VPS13B: variants seen among roughly 807,000 people sequenced by gnomAD.
The protein encoded by VPS13B is vacuolar protein sorting 13 homolog B.
Under a neutral mutation model 426.4 loss-of-function variants are expected in VPS13B, and 285 were observed. That is an observed-to-expected ratio of 0.67 (90% CI 0.61 to 0.74). The LOEUF (loss-of-function observed/expected upper bound fraction) is 0.74, where lower values mean the gene tolerates loss of function less well. Ranked by LOEUF, VPS13B falls within the 30% of genes least tolerant of loss-of-function variation. VPS13B has a pLI of 0.00. For missense variants in VPS13B, 4,537 were observed against 4,782.6 expected (o/e 0.95, Z 1.51); for synonymous variants, 1,676 against 1,676.4 (o/e 1.00, Z 0.01).
At chr8:99,709,984 G>A (rs1401025554) in intron 36 of VPS13B, among the ~76,000 whole-genome samples, 1 of 152,168 alleles carries the variant, frequency 6.6e-6, no homozygotes, top group African/African-American at 2.4e-5. Flanking sequence ...TTTAAAAAAT[G>A]ACCTGATCAG....
In VPS13B at chr8:99,640,043, G is replaced by GAAGAAGAGAA. The variant is rs1554883858; in HGVS notation, c.5221-1762_5221-1753dup. Among the ~76,000 whole-genome samples, 100 of 82,178 alleles carry GAAGAAGAGAA rather than the reference G, an allele frequency of 1.2e-3. 3 individuals carry two copies. Among genetic ancestry groups the GAAGAAGAGAA allele is most frequent in the Admixed American group, 1.9e-3 (14 of 7,426 alleles). 53.9% of individuals were successfully genotyped at this position (82,178 alleles called of 152,430 possible). On this transcript the variant is annotated intron_variant, in intron 33 of 61. Coordinates refer to ENST00000357162, the MANE Select transcript of VPS13B (RefSeq NM_152564.5). ...ATAATAATAAGAAGAAGAAGAAGAAGAAGAAGAGAAAAGAAAAGAAAAGAA... is the reference window on the plus strand; with the variant it reads ...ATAATAATAAGAAGAAGAAGAAGAAGAAGAAGAGAAAAGAAGAGAAAAGAAAAGAAAAGAA...
chr8:99,718,109 T>C (rs1410257977), intron 37 of VPS13B, among the ~76,000 whole-genome samples: 1 of 152,222 alleles, frequency 6.6e-6, no homozygotes, highest in East Asian at 1.9e-4. Context: ...AGACAGGGTC[T>C]TCCTCTGTCA....
At chr8:99,511,654 A>T in intron 29 of VPS13B, 142 bp downstream of exon 29, 2 of 806,312 alleles carry the variant, frequency 2.5e-6, no homozygotes, top group South Asian at 3.8e-5. Flanking sequence ...GAGAGGAAAT[A>T]TAGATATTCT....
At chr8:99,653,141 A>G (rs1318556911) in intron 34 of VPS13B, among the ~76,000 whole-genome samples, 2 of 152,212 alleles carry the variant, frequency 1.3e-5, no homozygotes, top group Non-Finnish European at 2.9e-5. Context: ...CTGTTAGTCA[A>G]TTAATGGTTA....
chr8:99,852,454 G>A (rs1816340394), intron 55 of VPS13B, among the ~76,000 whole-genome samples: 1 of 152,190 alleles, frequency 6.6e-6, no homozygotes, highest in Non-Finnish European at 1.5e-5. Context: ...AAGAGGTCAG[G>A]GAGAGGAAGA....
intron 25 of VPS13B, among the ~76,000 whole-genome samples, chr8:99,494,114 A>G (rs1820769221): frequency 1.3e-5 from 2 of 152,146 alleles, no homozygotes. Flanking sequence ...TTATATTACT[A>G]TAAGTTTTTT....
At chr8:99,318,242 G>A (rs1216050987) in intron 19 of VPS13B, among the ~76,000 whole-genome samples, 1 of 152,174 alleles carries the variant, frequency 6.6e-6, no homozygotes, top group Admixed American at 6.5e-5. Flanking sequence ...CAGTTCATGA[G>A]CATACTGATA....
chr8:99,081,141 T>C (rs1432703080), intron 3 of VPS13B, among the ~76,000 whole-genome samples: 1 of 152,254 alleles, frequency 6.6e-6, no homozygotes, highest in Non-Finnish European at 1.5e-5. Flanking sequence ...ATTCACTCTG[T>C]TACTGGTTTT....
intron 21 of VPS13B, among the ~76,000 whole-genome samples, chr8:99,399,138 T>C (rs981061988): frequency 1.3e-5 from 2 of 152,150 alleles, no homozygotes; most frequent in Non-Finnish European, 2.9e-5. Context: ...AAATAAAGTC[T>C]ATCTAATGAA....
intron 25 of VPS13B, among the ~76,000 whole-genome samples, chr8:99,493,377 G>C (rs1162841161): frequency 1.3e-5 from 2 of 152,080 alleles, no homozygotes; most frequent in Non-Finnish European, 2.9e-5. Flanking sequence ...CCTAATCACT[G>C]TATATTTCCA....
Position 99,375,472 on chromosome 8 carries a change from C to T in VPS13B, c.2825-8736C>T, listed in dbSNP as rs138342264. Among the ~76,000 whole-genome samples the T allele has an allele frequency of 5.1e-3, 769 of 152,230 alleles. 2 individuals are homozygous for T. The highest frequency in any genetic ancestry group is 7.9e-3 in the Non-Finnish European group (534 of 68,006). On this transcript the variant is annotated intron_variant, in intron 19 of 61. Coordinates refer to ENST00000357162, the MANE Select transcript of VPS13B (RefSeq NM_152564.5). ...GAAGAGGAAGTAATGAGCTACCATA[C>T]GCACATACCATACATGTATGTATTG...
rs1810109888 is a variant in VPS13B, at chr8:99,137,096, A to G, written c.1651+344A>G. ...CTAAATACACTTTGAAGGTGATACTAATTTTTAATTAAAAAGAATGTGTTG... is the reference window on the plus strand; with the variant it reads ...CTAAATACACTTTGAAGGTGATACTGATTTTTAATTAAAAAGAATGTGTTG... On this transcript the variant is annotated intron_variant, in intron 12 of 61. Transcript: ENST00000357162. Among the ~76,000 whole-genome samples, 3 of 152,142 alleles carry G rather than the reference A, an allele frequency of 2.0e-5. No individual in the cohort carries two copies. In the South Asian group the frequency reaches 6.2e-4, roughly 31 times the overall value.
intron 19 of VPS13B, among the ~76,000 whole-genome samples, chr8:99,367,693 T>A (rs1039246592): frequency 6.6e-6 from 1 of 152,218 alleles, no homozygotes; most frequent in Non-Finnish European, 1.5e-5. Flanking sequence ...TCTTCTCTTT[T>A]TTCTTTTGTC....
At chr8:99,496,135 A>T (rs1453590350) in intron 25 of VPS13B, among the ~76,000 whole-genome samples, 3 of 152,214 alleles carry the variant, frequency 2.0e-5, no homozygotes, top group Non-Finnish European at 4.4e-5. Context: ...TTGGGAATAC[A>T]GCCACCTGTT....
chr8:99,712,747 G>A (rs1223367033), intron 36 of VPS13B, among the ~76,000 whole-genome samples: 1 of 141,368 alleles, frequency 7.1e-6, no homozygotes, highest in East Asian at 2.0e-4. Context: ...ATCCCATTCT[G>A]TGTCCCCAAG....
At chr8:99,080,410 T>G (rs889341347) in intron 3 of VPS13B, among the ~76,000 whole-genome samples, 2 of 152,162 alleles carry the variant, frequency 1.3e-5, no homozygotes, top group African/African-American at 4.8e-5. Flanking sequence ...TTTTAATCAG[T>G]GGGGTTTGTT....
intron 3 of VPS13B, among the ~76,000 whole-genome samples, chr8:99,073,762 GTTTC>G (rs1180646749): frequency 2.0e-5 from 1 of 48,920 alleles, no homozygotes; most frequent in Non-Finnish European, 4.3e-5. Flanking sequence ...TTTATTTTTT[GTTTC>G]TTTCTTTCTT....
At chr8:99,476,599 C>T (rs1006943580) in intron 24 of VPS13B, among the ~76,000 whole-genome samples, 1 of 152,026 alleles carries the variant, frequency 6.6e-6, no homozygotes, top group Non-Finnish European at 1.5e-5. Flanking sequence ...TGATACCTTA[C>T]GTTCAGGGGA....
At chr8:99,558,555 C>T (rs1211426612) in intron 31 of VPS13B, among the ~76,000 whole-genome samples, 2 of 152,024 alleles carry the variant, frequency 1.3e-5, no homozygotes, top group East Asian at 1.9e-4. Context: ...GCTATCTCTC[C>T]CCCCTACCCC....
Sources: allele counts gnomAD v4.1 joint callset (sites outside exome capture counted in the v4.1 genomes callset), GRCh38; gene constraint gnomAD v4.1.1; transcripts MANE v1.5; gene names NCBI Gene and HGNC (gene_info 2026-07-23, HGNC 2026-07-21).